FAM135B: variants seen among roughly 807,000 people sequenced by gnomAD.
FAM135B encodes the protein family with sequence similarity 135 member B.
A neutral mutation model predicts 127.7 loss-of-function variants in FAM135B; 43 were observed. The ratio of observed to expected loss-of-function variants is 0.34; its 90% CI spans 0.26 to 0.43. FAM135B has a LOEUF of 0.43. Among genes scored for constraint, FAM135B ranks in the 20% least tolerant of loss-of-function variants. The pLI is 1.00. For missense variants in FAM135B, 1,558 were observed against 1,725.6 expected (o/e 0.90, Z 1.72); for synonymous variants, 670 against 665.1 (o/e 1.01, Z -0.11).
intron 1 of FAM135B, among the ~76,000 whole-genome samples, chr8:138,431,178 A>T (rs1362003792): frequency 3.3e-5 from 5 of 152,310 alleles, no homozygotes; most frequent in Middle Eastern, 3.4e-3. Context: ...AAAGAGATTA[A>T]TTAGCTTACA....
In FAM135B at chr8:138,491,842, A is replaced by T. The variant is rs142570335; in HGVS notation, c.-20+4829T>A. Among the ~76,000 whole-genome samples the T allele has an allele frequency of 7.0e-4, 106 of 152,334 alleles. 2 individuals are homozygous for T. The East Asian group carries it at 0.017, about 25-fold the overall frequency. On this transcript the variant is annotated intron_variant, in intron 1 of 19. Transcript: ENST00000395297. Reference sequence around the variant, plus strand: ...CAGAATAAAGTAGGGACACCCAGTGATTACCAGGGAGAAGAATGTCCCAGG... The same window carrying T: ...CAGAATAAAGTAGGGACACCCAGTGTTTACCAGGGAGAAGAATGTCCCAGG...
At chr8:138,250,212 G>T (rs977880895) in intron 6 of FAM135B, among the ~76,000 whole-genome samples, 1 of 152,096 alleles carries the variant, frequency 6.6e-6, no homozygotes, top group Admixed American at 6.5e-5. Flanking sequence ...AATTAGCTGG[G>T]CGTGGTGGCG....
In FAM135B at chr8:138,324,944, C is replaced by A. The variant is rs76568778; in HGVS notation, c.78-14024G>T. ...AATTCTCTTTGCATTAAGTACTGTTCAATCATTTTACATAAAAGAAAATTC... is the reference window on the plus strand; with the variant it reads ...AATTCTCTTTGCATTAAGTACTGTTAAATCATTTTACATAAAAGAAAATTC... On this transcript the variant is annotated intron_variant, in intron 2 of 19. Coordinates refer to ENST00000395297, the MANE Select transcript of FAM135B (RefSeq NM_015912.4). Among the ~76,000 whole-genome samples the A allele has an allele frequency of 6.0e-3, 907 of 152,250 alleles. 7 individuals carry two copies. Among genetic ancestry groups the A allele is most frequent in the African/African-American group, 0.02 (840 of 41,540 alleles).
chr8:138,245,299 G>A (rs1014756439), intron 6 of FAM135B, among the ~76,000 whole-genome samples: 2 of 152,158 alleles, frequency 1.3e-5, no homozygotes, highest in Non-Finnish European at 2.9e-5. Flanking sequence ...TGGGAGTGAA[G>A]CCTGCTAATA....
chr8:138,148,349 T>C (rs6577878), intron 14 of FAM135B, among the ~76,000 whole-genome samples, 171 bp downstream of exon 14: 18,208 of 152,254 alleles, frequency 0.12, 1,262 homozygotes, highest in East Asian at 0.23. Flanking sequence ...CAGAGAGATA[T>C]TTTCTTCAAC....
At chr8:138,217,906 G>C (rs1043685777) in intron 7 of FAM135B, among the ~76,000 whole-genome samples, 4 of 152,172 alleles carry the variant, frequency 2.6e-5, no homozygotes, top group Non-Finnish European at 5.9e-5. Context: ...ATGGGATGAA[G>C]ACAAGATACT....
intron 1 of FAM135B, among the ~76,000 whole-genome samples, chr8:138,374,054 C>T (rs1333314457): frequency 6.6e-6 from 1 of 152,174 alleles, no homozygotes; most frequent in Non-Finnish European, 1.5e-5. Flanking sequence ...TATTCGTACA[C>T]TCCCTCCCCT....
intron 12 of FAM135B, among the ~76,000 whole-genome samples, chr8:138,158,619 A>C (rs1478407538): frequency 2.0e-5 from 3 of 152,210 alleles, no homozygotes; most frequent in African/African-American, 7.2e-5. Context: ...ACCCCATCAA[A>C]AAGTGGGCAA....
intron 1 of FAM135B, among the ~76,000 whole-genome samples, chr8:138,430,270 T>C (rs867101849): frequency 2.0e-5 from 3 of 152,200 alleles, no homozygotes; most frequent in Non-Finnish European, 4.4e-5. Context: ...TCACCTGTTA[T>C]GTGCCACACA....
At chr8:138,407,006 C>T (rs1014433719) in intron 1 of FAM135B, among the ~76,000 whole-genome samples, 7 of 150,084 alleles carry the variant, frequency 4.7e-5, no homozygotes, top group African/African-American at 1.7e-4. Context: ...ATCTAGAAAA[C>T]CCCAATGTCT....
chr8:138,338,711 A>G (rs1002078347), intron 2 of FAM135B, among the ~76,000 whole-genome samples: 89 of 152,204 alleles, frequency 5.8e-4, no homozygotes, highest in Admixed American at 4.1e-3. Context: ...GCGATTCCTC[A>G]GGGATCTAGA....
chr8:138,197,809 T>A, intron 7 of FAM135B, 140 bp from the exon 8 acceptor site: 1 of 827,040 alleles, frequency 1.2e-6, no homozygotes, highest in Non-Finnish European at 1.8e-6. Flanking sequence ...CCATCCTGAG[T>A]AAAACTGGAA....
intron 2 of FAM135B, chr8:138,358,663 C>T (rs1445242358): frequency 6.6e-6 from 1 of 152,174 alleles, no homozygotes; most frequent in Non-Finnish European, 1.5e-5. Context: ...GGATATGTGT[C>T]TCTTAAATGT....
At chr8:138,453,660 CCAGCAGGGTCCATATTG>C (rs1836617832) in intron 1 of FAM135B, among the ~76,000 whole-genome samples, 1 of 152,190 alleles carries the variant, frequency 6.6e-6, no homozygotes, top group Non-Finnish European at 1.5e-5. Flanking sequence ...CTCCATAGAA[CCAGCAGGGTCCATATTG>C]CTGTTCTTAG....
chr8:138,302,565 G>T lies in FAM135B; in HGVS notation c.157+8276C>A, dbSNP rs537838830. On this transcript the variant is annotated intron_variant, in intron 3 of 19. Transcript: ENST00000395297. ...TGAGCCAAAGTCATAAAGATCTGCT[G>T]GGGGGACCCTTCTCATTTTGAGCAG... Among the ~76,000 whole-genome samples, 6 of 27,614 alleles carry T rather than the reference G, an allele frequency of 2.2e-4. No homozygotes were observed. In the Admixed American group the frequency reaches 2.5e-3, roughly 11 times the overall value. 18.1% of individuals were successfully genotyped at this position (27,614 alleles called of 152,430 possible). A position where few individuals can be genotyped will look rare whatever the true frequency, so the allele number is the denominator to read the frequency against.
At chr8:138,166,598 T>C (rs1398446539) in intron 12 of FAM135B, among the ~76,000 whole-genome samples, 2 of 152,306 alleles carry the variant, frequency 1.3e-5, no homozygotes, top group East Asian at 3.9e-4. Flanking sequence ...CTAATTGATA[T>C]AAACAAGAGC....
intron 1 of FAM135B, among the ~76,000 whole-genome samples, chr8:138,451,646 A>G (rs1319680333): frequency 1.3e-5 from 2 of 152,228 alleles, no homozygotes; most frequent in Admixed American, 6.5e-5. Flanking sequence ...TCCTCCGTCA[A>G]CTGGAATAGA....
chr8:138,387,606 T>C (rs1832295377), intron 1 of FAM135B, among the ~76,000 whole-genome samples: 1 of 152,140 alleles, frequency 6.6e-6, no homozygotes, highest in South Asian at 2.1e-4. Flanking sequence ...TCCTATTTCT[T>C]GGAGCTCCTG....
intron 6 of FAM135B, among the ~76,000 whole-genome samples, chr8:138,246,156 C>G (rs1276475099): frequency 6.6e-6 from 1 of 152,046 alleles, no homozygotes; most frequent in Non-Finnish European, 1.5e-5. Flanking sequence ...AAATTTGCAG[C>G]CTGATGATGC....
Sources: gnomAD v4.1 joint callset for allele counts (sites outside exome capture counted in the v4.1 genomes callset) on GRCh38, gnomAD v4.1.1 for gene constraint, MANE v1.5 for transcripts, NCBI Gene and HGNC (gene_info 2026-07-23, HGNC 2026-07-21) for gene names.